The following ADNP variants were observed in gnomAD, a reference collection of about 807,000 sequenced individuals.
ADNP encodes the protein activity-dependent neuroprotector homeobox protein.
In ADNP, 4 loss-of-function variants were observed where a neutral mutation model predicts 84.9. That is an observed-to-expected ratio of 0.05 (90% confidence interval 0.02 to 0.11). ADNP has a LOEUF of 0.11. ADNP is among the 10% of genes least tolerant of loss of function. The pLI, the probability that ADNP is intolerant of heterozygous loss-of-function variation, is 1.00. For missense variants in ADNP, 1,132 were observed against 1,326.0 expected (o/e 0.85, Z 2.27); for synonymous variants, 554 against 468.1 (o/e 1.18, Z -2.37).
At position 50,893,956 on chromosome 20, in the gene ADNP, G is replaced by A. The variant is rs1981112278; in HGVS notation, c.758C>T (p.Ala253Val). ...CACTACATTTGTGTGCCCAATCATG[G>A]CAGTGACCTGATAGCCTATACGTTC... ...DHERIGYQVT[A>V]MIGHTNVVVP... The change falls in exon 6 of 6, where the codon GCC becomes GTC. Residue 253 changes from alanine (A) to valine (V), a missense_variant. Ala to Val is a moderately conservative substitution (Grantham distance 64). Transcript: ENST00000621696. This position sits in a 1 kb window ranked among gnomAD's most constrained non-coding sequence, Gnocchi z 4.4. The A allele has an allele frequency of 1.2e-6, 2 of 1,614,034 alleles. No homozygotes were observed. The highest frequency in any genetic ancestry group is 2.7e-5 in the African/African-American group (2 of 74,918).
intron 2 of ADNP, among the ~76,000 whole-genome samples, chr20:50,917,623 T>C (rs1449582653): frequency 1.3e-5 from 2 of 152,200 alleles, no homozygotes; most frequent in Non-Finnish European, 2.9e-5. Context: ...TTCCTTTTTT[T>C]CAAAGGAGGG....
chr20:50,906,204 A>G (rs888811378), intron 2 of ADNP, among the ~76,000 whole-genome samples: 1 of 152,216 alleles, frequency 6.6e-6, no homozygotes, highest in Non-Finnish European at 1.5e-5. Flanking sequence ...GCGAGATTCC[A>G]TCTCAAAAAC....
Position 50,889,751 on chromosome 20 carries a change from G to A in ADNP, c.*1654C>T, listed in dbSNP as rs1198216634. Reference sequence around the variant, plus strand: ...AATGTTGGCCTAATTCTGCTTCCTTGTAACTTTCTGCTTTTTAGTACAAGT... The same window carrying A: ...AATGTTGGCCTAATTCTGCTTCCTTATAACTTTCTGCTTTTTAGTACAAGT... On this transcript the variant is annotated 3_prime_UTR_variant, in exon 6 of 6. Transcript: ENST00000621696. The A allele has an allele frequency of 5.0e-6, 2 of 396,236 alleles. No individual in the cohort carries two copies. Among genetic ancestry groups the A allele is most frequent in the Admixed American group, 8.8e-5 (2 of 22,670 alleles). 24.5% of individuals were successfully genotyped at this position (396,236 alleles called of 1,614,324 possible).
intron 2 of ADNP, among the ~76,000 whole-genome samples, chr20:50,913,401 A>T (rs937012006): frequency 6.6e-6 from 1 of 151,922 alleles, no homozygotes; most frequent in Non-Finnish European, 1.5e-5. Flanking sequence ...AGAATTTCAG[A>T]TCCTTGATAT....
At chr20:50,929,820 G>A (rs1169098318) in intron 1 of ADNP, among the ~76,000 whole-genome samples, 1 of 151,968 alleles carries the variant, frequency 6.6e-6, no homozygotes, top group African/African-American at 2.4e-5. Context: ...GACAAACACA[G>A]AAACAGTTTG....
chr20:50,905,708 C>T (rs953390541), intron 2 of ADNP: 1 of 152,202 alleles, frequency 6.6e-6, no homozygotes, highest in Non-Finnish European at 1.5e-5. Context: ...TTGCTGCTCA[C>T]TATGAAGCAA....
At chr20:50,924,880 TCTTTAA>T (rs1170778170) in intron 2 of ADNP, among the ~76,000 whole-genome samples, 1 of 152,228 alleles carries the variant, frequency 6.6e-6, no homozygotes, top group Non-Finnish European at 1.5e-5. Flanking sequence ...TTAAATTAAA[TCTTTAA>T]CTTAAATCTA....
chr20:50,917,940 AAATC>A (rs1253942197), intron 2 of ADNP, among the ~76,000 whole-genome samples: 13 of 152,236 alleles, frequency 8.5e-5, no homozygotes, highest in Admixed American at 7.9e-4. Flanking sequence ...TAAATGAATA[AAATC>A]AATCACAAAA....
intron 2 of ADNP, among the ~76,000 whole-genome samples, chr20:50,924,129 A>G (rs184251341): frequency 6.6e-6 from 1 of 152,356 alleles, no homozygotes; most frequent in Admixed American, 6.5e-5. Context: ...AGAAAAAGAA[A>G]GGGTAAAAGC....
chr20:50,892,955 G>T lies in ADNP; in HGVS notation c.1759C>A (p.Pro587Thr). The T allele has an allele frequency of 1.9e-6, 3 of 1,614,190 alleles. No individual in the cohort carries two copies. The highest frequency in any genetic ancestry group is 1.7e-6 in the Non-Finnish European group (2 of 1,180,040). Residue 587 changes from proline to threonine, a missense_variant, in exon 6 of 6, where the codon CCT (proline) becomes ACT (threonine). Physicochemically the swap from Pro to Thr is conservative, Grantham distance 38. Around this residue, in one of 10 missense-constraint regions of ADNP, gnomAD observed 53 missense variants for 39.8 expected, o/e 1.33. Transcript: ENST00000621696. ...GGCTGTGGCTTTGGAGGAACTGGAG[G>T]ATTATTTTGGGCATGGTAAGCAACA... ...ESVAYHAQNN[P>T]PVPPKPQPKV...
At chr20:50,914,361 G>A (rs1024010351) in intron 2 of ADNP, 18 of 637,320 alleles carry the variant, frequency 2.8e-5, no homozygotes, top group African/African-American at 5.6e-5. Flanking sequence ...GGCCAAAGGT[G>A]CCCTGGGTTT....
In ADNP at chr20:50,891,783, T is replaced by C. The variant is rs144684998; in HGVS notation, c.2931A>G (p.Gly977=). The C allele has an allele frequency of 2.1e-4, 340 of 1,614,212 alleles. 1 individual carries two copies. The African/African-American group carries it at 3.7e-3, about 18-fold the overall frequency. The change falls in exon 6 of 6, where the codon GGA becomes GGG. Residue 977 remains glycine (G), a synonymous_variant. Coordinates refer to ENST00000621696, the MANE Select transcript of ADNP (RefSeq NM_001282531.3). ...CCTCAAAGTCTGACACTTGTTGGGA[T>C]CCAGGCCCACTCTCAGATGGAGAAG... ...DGASPSESGP[G]SQQVSDFEDN...
At chr20:50,917,814 A>T (rs1292000482) in intron 2 of ADNP, among the ~76,000 whole-genome samples, 1 of 152,266 alleles carries the variant, frequency 6.6e-6, no homozygotes, top group Non-Finnish European at 1.5e-5. Flanking sequence ...GGAACAACTG[A>T]AATCAACTGA....
At chr20:50,921,707 A>T (rs1983963341) in intron 2 of ADNP, among the ~76,000 whole-genome samples, 1 of 152,230 alleles carries the variant, frequency 6.6e-6, no homozygotes, top group African/African-American at 2.4e-5. Context: ...GTATACAAAC[A>T]GAGGGAAGAT....
Position 50,929,588 on chromosome 20 carries a change from C to T in ADNP, c.-264-763G>A, listed in dbSNP as rs572453156. Among the ~76,000 whole-genome samples the T allele has an allele frequency of 2.2e-4, 34 of 152,326 alleles. 1 individual carries two copies. In the South Asian group the frequency reaches 6.8e-3, roughly 31 times the overall value. Reference sequence around the variant, plus strand: ...GCAGAGAATGCGCCCCCTACTGACTCCAACACTCATCGCCTTTAGCCGACT... The same window carrying T: ...GCAGAGAATGCGCCCCCTACTGACTTCAACACTCATCGCCTTTAGCCGACT... On this transcript the variant is annotated intron_variant, in intron 1 of 5. Transcript: ENST00000621696.
At chr20:50,901,321 T>TAAAAAAAAAAAAA (rs11470054) in intron 5 of ADNP, among the ~76,000 whole-genome samples, 1 of 92,758 alleles carries the variant, frequency 1.1e-5, no homozygotes, top group Non-Finnish European at 2.0e-5. Flanking sequence ...CTGGGGTATT[T>TAAAAAAAAAAAAA]AAAAAAAAAA....
intron 2 of ADNP, among the ~76,000 whole-genome samples, chr20:50,922,257 G>C (rs1984003334): frequency 6.6e-6 from 1 of 152,050 alleles, no homozygotes; most frequent in African/African-American, 2.4e-5. Context: ...CTGTCTACCT[G>C]GATACAGTGT....
chr20:50,899,562 T>A (rs558040896), intron 5 of ADNP, among the ~76,000 whole-genome samples: 21 of 152,042 alleles, frequency 1.4e-4, no homozygotes, highest in South Asian at 1.0e-3. Context: ...CTATATTTTT[T>A]AAAAAAAAGT....
chr20:50,929,840 CCCTCCTAAG>C (rs1456901015), intron 1 of ADNP, among the ~76,000 whole-genome samples: 1 of 151,958 alleles, frequency 6.6e-6, no homozygotes, highest in Non-Finnish European at 1.5e-5. Flanking sequence ...GGTTCTTTTT[CCCTCCTAAG>C]CCTTTGTCTG....
Sources: allele counts gnomAD v4.1 joint callset (sites outside exome capture counted in the v4.1 genomes callset), GRCh38; gene constraint gnomAD v4.1.1; regional missense constraint gnomAD v4.1.1; non-coding constraint Gnocchi (gnomAD v3.1); transcripts MANE v1.5; gene names NCBI Gene and HGNC (gene_info 2026-07-23, HGNC 2026-07-21).